The following AFDN variants were observed in gnomAD, a reference collection of about 807,000 sequenced individuals.
The protein encoded by AFDN is afadin.
AFDN carries 68 observed loss-of-function variants against 216.6 expected under a neutral mutation model. That is an observed-to-expected ratio of 0.31 (90% CI 0.26 to 0.38). The LOEUF (loss-of-function observed/expected upper bound fraction) is 0.38, where lower values mean the gene tolerates loss of function less well. Ranked by LOEUF, AFDN falls within the 10% of genes least tolerant of loss-of-function variation. AFDN has a pLI of 1.00. For missense variants in AFDN, 2,136 were observed against 2,342.0 expected, an observed-to-expected ratio of 0.91 and a Z score of 1.82; for synonymous variants, 868 against 853.7, an observed-to-expected ratio of 1.02 and a Z score of -0.29.
intron 31 of AFDN, chr6:167,963,886 G>C (rs1797276511): frequency 2.8e-6 from 3 of 1,064,420 alleles, no homozygotes; most frequent in Non-Finnish European, 3.4e-6. Flanking sequence ...TTCCATGAAA[G>C]CGCTCCCTGG....
intron 8 of AFDN, 54 bp downstream of exon 8, chr6:167,891,083 A>T (rs1787510910): frequency 7.1e-7 from 1 of 1,402,624 alleles, no homozygotes; most frequent in Admixed American, 2.5e-5. Flanking sequence ...TTTAGCTTCA[A>T]ATCTTTGTAC....
chr6:167,937,582 G>A (rs1794165294), intron 23 of AFDN, among the ~76,000 whole-genome samples: 1 of 13,906 alleles, frequency 7.2e-5, no homozygotes, highest in African/African-American at 4.1e-4. Flanking sequence ...ACCTCCTTTT[G>A]TGACAAACAG....
chr6:167,943,296 C>T, intron 24 of AFDN, 102 bp downstream of exon 24: 1 of 1,431,864 alleles, frequency 7.0e-7, no homozygotes, highest in Non-Finnish European at 9.8e-7. Context: ...CACTATAGTG[C>T]TTGTTGGAAG....
Position 167,944,129 on chromosome 6 carries a change from G to A in AFDN, c.3358+70G>A, listed in dbSNP as rs1194386679. 11 of 1,220,638 alleles carry A rather than the reference G, an allele frequency of 9.0e-6. No homozygotes were observed. The East Asian group carries it at 2.6e-4, about 29-fold the overall frequency. The allele number at this position is 1,220,638 out of a possible 1,614,324, so 75.6% of individuals were successfully genotyped here. Reference sequence around the variant, plus strand: ...CTTTGAATGGTCACAAAACCCCCATGGAGGAGGTACTGGTGTTACTATCGC... The same window carrying A: ...CTTTGAATGGTCACAAAACCCCCATAGAGGAGGTACTGGTGTTACTATCGC... On this transcript the variant is annotated intron_variant, in intron 26 of 33. Transcript: ENST00000683244.
chr6:167,905,849 T>C (rs953838743), intron 12 of AFDN, among the ~76,000 whole-genome samples: 15 of 152,348 alleles, frequency 9.8e-5, no homozygotes, highest in Admixed American at 7.8e-4. Flanking sequence ...CTCACGCCTA[T>C]AATCCCAACA....
intron 30 of AFDN, among the ~76,000 whole-genome samples, chr6:167,955,884 G>A (rs964084073): frequency 2.0e-5 from 3 of 151,950 alleles, no homozygotes; most frequent in Non-Finnish European, 2.9e-5. Context: ...GGGAGGCCGA[G>A]CAGGTGAATC....
intron 1 of AFDN, among the ~76,000 whole-genome samples, chr6:167,836,107 T>G (rs1316488838): frequency 6.6e-6 from 1 of 152,244 alleles, no homozygotes; most frequent in Non-Finnish European, 1.5e-5. Context: ...TTTTTGTGAC[T>G]TGAGAATACT....
intron 1 of AFDN, among the ~76,000 whole-genome samples, chr6:167,831,546 C>T (rs535523663): frequency 2.6e-5 from 4 of 152,264 alleles, no homozygotes; most frequent in East Asian, 3.9e-4. Flanking sequence ...TTGCTGTCTT[C>T]CTGCCAGTGA....
chr6:167,909,421 A>G (rs983016362), intron 13 of AFDN, among the ~76,000 whole-genome samples: 1 of 151,814 alleles, frequency 6.6e-6, no homozygotes, highest in African/African-American at 2.4e-5. Flanking sequence ...AAAAAAAATT[A>G]GTTAGCCAGT....
chr6:167,885,087 A>G (rs1205684605), intron 6 of AFDN, among the ~76,000 whole-genome samples: 2 of 152,304 alleles, frequency 1.3e-5, no homozygotes, highest in Non-Finnish European at 2.9e-5. Flanking sequence ...TTTCTTCTGC[A>G]TCCTTCTCAC....
intron 1 of AFDN, among the ~76,000 whole-genome samples, chr6:167,830,122 G>A (rs909398236): frequency 1.3e-5 from 2 of 152,190 alleles, no homozygotes; most frequent in African/African-American, 2.4e-5. Flanking sequence ...ACTCCTTAAA[G>A]TATGTATAGT....
At chr6:167,841,720 A>G (rs1007970941) in intron 1 of AFDN, among the ~76,000 whole-genome samples, 5 of 152,076 alleles carry the variant, frequency 3.3e-5, no homozygotes, top group Admixed American at 2.6e-4. Context: ...GATGTCCATA[A>G]TATATCAGTT....
At position 167,952,184 on chromosome 6, in the gene AFDN, G is replaced by A. The variant is rs374331983; in HGVS notation, c.4830G>A (p.Ala1610=). 4.3e-6 allele frequency: 7 copies of A among 1,613,956 alleles called. No individual in the cohort carries two copies. The African/African-American group carries it at 6.7e-5, about 15-fold the overall frequency. The change falls in exon 30 of 34, where the codon GCG becomes GCA. Residue 1610 remains alanine, a synonymous_variant. Transcript: ENST00000683244. ...AGCGCCTGGAGGCTGAACGAAGAGC[G>A]AGGGTAAAGGGGGGAGTGCTTTGGC... ...IMQRLEAERR[A]RLQDEERRRQ...
rs775506081 is a variant in AFDN, at chr6:167,914,228, A to G, written c.2119A>G (p.Asn707Asp). The change falls in exon 17 of 34, where the codon AAC becomes GAC. Residue 707 changes from asparagine to aspartate, a missense_variant. Coordinates refer to ENST00000683244, the MANE Select transcript of AFDN (RefSeq NM_001386888.1). ...FWMANASELL[N>D]FIKQDRDLSR... ...GATGGCAAATGCATCTGAACTTCTC[A>G]ACTTCATTAAGCAAGACCGAGACCT... 1.2e-6 allele frequency: 2 copies of G among 1,614,180 alleles called. No homozygotes were observed. The highest frequency in any genetic ancestry group is 2.2e-5 in the South Asian group (2 of 91,082).
At chr6:167,911,575 C>T in intron 15 of AFDN, 86 bp downstream of exon 15, 4 of 1,180,746 alleles carry the variant, frequency 3.4e-6, no homozygotes, top group Non-Finnish European at 4.9e-6. Context: ...TAAGGCTTCT[C>T]ATTTGGTTAC....
At chr6:167,923,036 T>G in intron 22 of AFDN, 77 bp downstream of exon 22, 1 of 1,010,724 alleles carries the variant, frequency 9.9e-7, no homozygotes, top group South Asian at 1.5e-5. Flanking sequence ...GTTTCTTTCT[T>G]ACACTGAAGA....
intron 21 of AFDN, among the ~76,000 whole-genome samples, chr6:167,919,161 G>C (rs1377704077): frequency 6.6e-6 from 1 of 152,262 alleles, no homozygotes; most frequent in Admixed American, 6.5e-5. Context: ...GTGAGCATCT[G>C]CTCTGCGCAC....
At chr6:167,874,286 A>G (rs1236975879) in intron 4 of AFDN, among the ~76,000 whole-genome samples, 3 of 152,200 alleles carry the variant, frequency 2.0e-5, no homozygotes, top group African/African-American at 2.4e-5. Context: ...TCTATTTATC[A>G]TCTTGTTTAT....
At chr6:167,897,690 AG>A (rs1430320507) in intron 10 of AFDN, among the ~76,000 whole-genome samples, 2 of 121,644 alleles carry the variant, frequency 1.6e-5, no homozygotes, top group Non-Finnish European at 3.1e-5. Context: ...CTCTGTCAGC[AG>A]GCTGGAGTGC....
Sources: gnomAD v4.1 joint callset for allele counts (sites outside exome capture counted in the v4.1 genomes callset) on GRCh38, gnomAD v4.1.1 for gene constraint, MANE v1.5 for transcripts, NCBI Gene and HGNC (gene_info 2026-07-23, HGNC 2026-07-21) for gene names.